CRLF2: variants seen among roughly 807,000 people sequenced by gnomAD.
CRLF2 encodes cytokine receptor like factor 2.
In CRLF2, 41 loss-of-function variants were observed where a neutral mutation model predicts 38.7. That is an observed-to-expected ratio of 1.06 (90% CI 0.83 to 1.37). CRLF2 has a LOEUF of 1.37. CRLF2 is among the 40% of genes most tolerant of loss of function. CRLF2 has a pLI of 0.00. For missense variants in CRLF2, 377 were observed against 322.2 expected (o/e 1.17, Z -1.30); for synonymous variants, 140 against 128.8 (o/e 1.09, Z -0.59).
At chrX:1,197,500 C>G (rs1169603719) in intron 5 of CRLF2, among the ~76,000 whole-genome samples, 1 of 151,884 alleles carries the variant, frequency 6.6e-6, no homozygotes, top group Non-Finnish European at 1.5e-5. Flanking sequence ...TGGCTGTGCT[C>G]CTTAAATCAT....
At chrX:1,212,515 CA>C in intron 1 of CRLF2, 40 bp downstream of exon 1, 1 of 1,509,304 alleles carries the variant, frequency 6.6e-7, no homozygotes, top group Non-Finnish European at 9.2e-7. Flanking sequence ...AAGCAAACCA[CA>C]AACCAAAATA....
chrX:1,212,277 C>A (rs1316982022), intron 1 of CRLF2, among the ~76,000 whole-genome samples: 1 of 151,406 alleles, frequency 6.6e-6, no homozygotes, highest in South Asian at 2.1e-4. Flanking sequence ...ACATACAGTT[C>A]CTAGTTCTGG....
intron 7 of CRLF2, among the ~76,000 whole-genome samples, chrX:1,191,731 A>G (rs1162554616): frequency 3.3e-5 from 5 of 150,938 alleles, no homozygotes; most frequent in East Asian, 4.0e-4. Context: ...GGGTTTCACC[A>G]TGTTGGTCAG....
intron 3 of CRLF2, 109 bp from the exon 4 acceptor site, chrX:1,202,644 A>G: frequency 8.1e-7 from 1 of 1,239,414 alleles, no homozygotes; most frequent in South Asian, 1.3e-5. Flanking sequence ...TTAATACCTT[A>G]TGGTGTCTCG....
Position 1,208,898 on chromosome X carries a change from T to C in CRLF2, c.90A>G (p.Val30=), listed in dbSNP as rs1330154062. ...AATTGAAGTAGATGATCTGAATCTG[T>C]ACTCCTTCTGCTAGACACAGAGAGA... ...ALGQGGAAEG[V]QIQIIYFNLE... is the part of the protein sequence containing the mutation. Residue 30 remains valine, a synonymous_variant, in exon 2 of 8, where the codon GTA becomes GTG. Coordinates refer to ENST00000400841, the MANE Select transcript of CRLF2 (RefSeq NM_022148.4). 6.3e-7 allele frequency: 1 copy of C among 1,594,898 alleles called. No homozygotes were observed. The highest frequency in any genetic ancestry group is 1.1e-5 in the South Asian group (1 of 90,710).
At position 1,206,578 on chromosome X, in the gene CRLF2, A is replaced by T; in HGVS notation, c.204T>A (p.Tyr68Ter). Residue 68 changes from tyrosine to a stop codon, truncating the protein, a stop_gained, in exon 3 of 8, where the codon TAT becomes TAA. Coordinates refer to ENST00000400841, the MANE Select transcript of CRLF2 (RefSeq NM_022148.4). LOFTEE classifies it high-confidence loss of function. ...GGAGAAGGTAGTTGGTGCACTGGTC[A>T]TAGGCCTCATCACCGTTGAATCTGT... ...FHYRFNGDEA[Y>*]DQCTNYLLQE... 6.2e-7 allele frequency: 1 copy of T among 1,613,634 alleles called. No homozygotes were observed. The highest frequency in any genetic ancestry group is 8.5e-7 in the Non-Finnish European group (1 of 1,179,632).
chrX:1,197,243 C>T (rs1432088246), intron 5 of CRLF2, among the ~76,000 whole-genome samples: 5 of 151,546 alleles, frequency 3.3e-5, no homozygotes, highest in Non-Finnish European at 5.9e-5. Context: ...CAGGCATCCG[C>T]CACCACACCG....
At chrX:1,206,753 C>T (rs1308344881) in intron 2 of CRLF2, among the ~76,000 whole-genome samples, 154 bp from the exon 3 acceptor site, 1 of 151,962 alleles carries the variant, frequency 6.6e-6, no homozygotes, top group African/African-American at 2.4e-5. Flanking sequence ...AGCAATTCTC[C>T]TGTCTCAGCC....
At chrX:1,212,360 T>C (rs1221651124) in intron 1 of CRLF2, among the ~76,000 whole-genome samples, 196 bp downstream of exon 1, 2 of 139,264 alleles carry the variant, frequency 1.4e-5, no homozygotes, top group Non-Finnish European at 3.0e-5. Context: ...TATTTACTTA[T>C]AAATATGTTT....
Position 1,190,781 on chromosome X carries a change from A to T in CRLF2, c.*116T>A. The T allele has an allele frequency of 2.5e-6, 1 of 398,534 alleles. No homozygotes were observed. Among genetic ancestry groups the T allele is most frequent in the Non-Finnish European group, 4.4e-6 (1 of 226,090 alleles). 24.7% of individuals were successfully genotyped at this position (398,534 alleles called of 1,614,324 possible). The stretch of plus-strand genomic sequence containing the variant: ...TGGGTCTTCAGAGTCTCCTAGTCCT[A>T]CCATCATTGGCGTGGAGACTTCCCA... On this transcript the variant is annotated 3_prime_UTR_variant, in exon 8 of 8. Transcript: ENST00000400841.
chrX:1,212,428 AAAAAAAAAAAG>A, intron 1 of CRLF2, 117 bp downstream of exon 1: 6 of 640,842 alleles, frequency 9.4e-6, no homozygotes, highest in South Asian at 4.8e-5. Flanking sequence ...GAAAAAAAAA[AAAAAAAAAAAG>A]AAAAGAAGAA....
chrX:1,190,916 C>T lies in CRLF2; in HGVS notation c.1097G>A (p.Arg366His), dbSNP rs1238484202. ...IGGFTFVMND[R>H]SYVAL The stretch of plus-strand genomic sequence containing the variant: ...TGTCCATCACAACGCCACGTAGGAG[C>T]GGTCATTCATCACAAAGGTGAAGCC... The change falls in exon 8 of 8, where the codon CGC (arginine) becomes CAC (histidine). Residue 366 changes from arginine to histidine, a missense_variant. By Grantham distance (29) the Arg-to-His change is conservative. Transcript: ENST00000400841. The T allele has an allele frequency of 1.8e-5, 7 of 398,560 alleles. No individual in the cohort carries two copies. Among genetic ancestry groups the T allele is most frequent in the African/African-American group, 8.2e-5 (4 of 48,630 alleles). 24.7% of individuals were successfully genotyped at this position (398,560 alleles called of 1,614,324 possible).
In CRLF2 at chrX:1,212,628, G is replaced by A. The variant is rs374874204; in HGVS notation, c.7C>T (p.Arg3Trp). 1.9e-5 allele frequency: 31 copies of A among 1,611,186 alleles called. No homozygotes were observed. In the African/African-American group the frequency reaches 2.3e-4, roughly 12 times the overall value. Residue 3 changes from arginine (R) to tryptophan (W), a missense_variant, in exon 1 of 8, where the codon CGG becomes TGG. Physicochemically the swap from Arg to Trp is moderately radical, Grantham distance 101. Transcript: ENST00000400841. ...GCAGCTCCCCACAGCAGAACCAGCC[G>A]CCCCATGCCTGAAACAGGAGTGGAG... Reference protein sequence around the residue: MGRLVLLWGAAVF... With the variant: MGWLVLLWGAAVF...
At chrX:1,197,238 ATC>A in intron 5 of CRLF2, among the ~76,000 whole-genome samples, 1 of 150,230 alleles carries the variant, frequency 6.7e-6, no homozygotes, top group African/African-American at 2.4e-5. Context: ...GATGACAGGC[ATC>A]CGCCACCACA....
At chrX:1,195,994 T>TATATATATTTTTATATA (rs2086468418) in intron 6 of CRLF2, among the ~76,000 whole-genome samples, 5 of 118,468 alleles carry the variant, frequency 4.2e-5, no homozygotes, top group Non-Finnish European at 5.8e-5. Flanking sequence ...TTTTATATAT[T>TATATATATTTTTATATA]TATATATATA....
intron 2 of CRLF2, among the ~76,000 whole-genome samples, chrX:1,207,360 A>T (rs2086709477): frequency 6.6e-6 from 1 of 151,696 alleles, no homozygotes; most frequent in Non-Finnish European, 1.5e-5. Flanking sequence ...GATTCAAGCG[A>T]TTCTCCTGCC....
intron 6 of CRLF2, among the ~76,000 whole-genome samples, chrX:1,193,694 A>G (rs2147821837): frequency 6.7e-6 from 1 of 148,558 alleles, no homozygotes; most frequent in Admixed American, 6.8e-5. Flanking sequence ...AGGCTGGAGA[A>G]TGGCGTGAAC....
intron 2 of CRLF2, among the ~76,000 whole-genome samples, chrX:1,208,581 G>A (rs1284252623): frequency 6.6e-6 from 1 of 152,058 alleles, no homozygotes; most frequent in African/African-American, 2.4e-5. Context: ...ACAAAAAAAA[G>A]AATGTAGTTG....
At chrX:1,204,216 C>T (rs2086655846) in intron 3 of CRLF2, among the ~76,000 whole-genome samples, 1 of 122,486 alleles carries the variant, frequency 8.2e-6, no homozygotes, top group Admixed American at 8.9e-5. Flanking sequence ...TAATTAATTC[C>T]CTTATTTAAT....
Sources: gnomAD v4.1 joint callset for allele counts (sites outside exome capture counted in the v4.1 genomes callset) on GRCh38, gnomAD v4.1.1 for gene constraint, MANE v1.5 for transcripts, NCBI Gene and HGNC (gene_info 2026-07-23, HGNC 2026-07-21) for gene names.